The following MGST1 variants were observed in gnomAD, a reference collection of about 807,000 sequenced individuals.
MGST1 encodes glutathione S-transferase 12.
A neutral mutation model predicts 8.9 loss-of-function variants in MGST1; 5 were observed. The ratio of observed to expected loss-of-function variants is 0.56; its 90% CI spans 0.29 to 1.19. The LOEUF (loss-of-function observed/expected upper bound fraction) is 1.19, where lower values mean the gene tolerates loss of function less well. Among genes scored for constraint, MGST1 ranks in the 50% most tolerant of loss-of-function variants. The probability of loss-of-function intolerance (pLI) is 0.08; values close to 1 mark genes in which losing one functional copy is unlikely to be tolerated. For synonymous variants in MGST1, 54 were observed against 67.8 expected (o/e 0.80, Z 1.00); for missense variants, 182 against 187.4 (o/e 0.97, Z 0.17).
chr12:16,508,098 A>C (rs1941552453), intron 4 of MGST1, among the ~76,000 whole-genome samples: 1 of 152,144 alleles, frequency 6.6e-6, no homozygotes, highest in Non-Finnish European at 1.5e-5. Flanking sequence ...CTCAGTGCCC[A>C]CCAGATTATA....
chr12:16,431,740 G>A (rs1286646603), intron 1 of MGST1, among the ~76,000 whole-genome samples: 1 of 152,128 alleles, frequency 6.6e-6, no homozygotes, highest in African/African-American at 2.4e-5. Context: ...CACAGAGGCA[G>A]GAAGTGAATG....
At chr12:16,371,930 G>A (rs1244810794) in intron 3 of MGST1, among the ~76,000 whole-genome samples, 1 of 152,044 alleles carries the variant, frequency 6.6e-6, no homozygotes, top group East Asian at 1.9e-4. Flanking sequence ...ACATGCATTA[G>A]GGAAAGAACA....
intron 4 of MGST1, among the ~76,000 whole-genome samples, chr12:16,562,860 A>T (rs912580059): frequency 2.0e-5 from 3 of 152,242 alleles, no homozygotes; most frequent in Non-Finnish European, 2.9e-5. Flanking sequence ...CACTGCTACC[A>T]GTGTACTTTC....
intron 4 of MGST1, among the ~76,000 whole-genome samples, chr12:16,446,153 G>A (rs550613880): frequency 3.3e-5 from 5 of 151,792 alleles, no homozygotes; most frequent in Non-Finnish European, 5.9e-5. Flanking sequence ...TGACATTTTG[G>A]GTCTCCAAAT....
intron 4 of MGST1, among the ~76,000 whole-genome samples, chr12:16,578,025 T>C (rs1212177367): frequency 6.6e-6 from 1 of 152,232 alleles, no homozygotes. Context: ...TGGAATTAGA[T>C]GTACAATGGA....
At chr12:16,400,443 C>T in intron 1 of MGST1, 1 of 805,978 alleles carries the variant, frequency 1.2e-6, no homozygotes, top group Non-Finnish European at 2.2e-6. Flanking sequence ...ATAGATCTTT[C>T]AGTTTGGAAT....
intron 4 of MGST1, among the ~76,000 whole-genome samples, chr12:16,553,867 GAAA>G (rs75193044): frequency 7.5e-6 from 1 of 132,674 alleles, no homozygotes. Flanking sequence ...GCATTTGCAG[GAAA>G]AAAAAAAAAA....
intron 4 of MGST1, among the ~76,000 whole-genome samples, chr12:16,496,915 A>C (rs972106922): frequency 1.1e-4 from 17 of 152,150 alleles, no homozygotes; most frequent in African/African-American, 3.9e-4. Context: ...AAGTCCTATA[A>C]GACCTTTTAC....
At chr12:16,414,542 A>C (rs1591721131) in intron 1 of MGST1, among the ~76,000 whole-genome samples, 1 of 151,712 alleles carries the variant, frequency 6.6e-6, no homozygotes, top group African/African-American at 2.4e-5. Context: ...CAGCCTCCCA[A>C]GTAGCTGGGA....
In MGST1 at chr12:16,560,286, G is replaced by A; in HGVS notation, n.483-29242G>A. 9.4e-7 allele frequency: 1 copy of A among 1,064,998 alleles called. No individual in the cohort carries two copies. The highest frequency in any genetic ancestry group is 2.6e-5 in the Admixed American group (1 of 38,976). The allele number at this position is 1,064,998 out of a possible 1,614,324, so 66.0% of individuals were successfully genotyped here. A position where few individuals can be genotyped will look rare whatever the true frequency, so the allele number is the denominator to read the frequency against. The stretch of plus-strand genomic sequence containing the variant: ...AGCTTGTCTCTGGCATGGGATTAAA[G>A]TTTACAGAACAGAAAAACGCTGAGA... On this transcript the variant is annotated intron_variant and non_coding_transcript_variant, in intron 4 of 4. Coordinates refer to the MGST1 transcript ENST00000538857. This position sits in a 1 kb window ranked among gnomAD's most constrained non-coding sequence, Gnocchi z 5.0.
chr12:16,557,899 ATTCT>A (rs1303689378), intron 4 of MGST1, among the ~76,000 whole-genome samples: 1 of 152,188 alleles, frequency 6.6e-6, no homozygotes, highest in Admixed American at 6.5e-5. Context: ...TAAATGTCAC[ATTCT>A]TTCTACTATT....
intron 1 of MGST1, among the ~76,000 whole-genome samples, chr12:16,412,049 C>T (rs1263105484): frequency 6.6e-6 from 1 of 152,098 alleles, no homozygotes; most frequent in Admixed American, 6.6e-5. Context: ...AAATTAGTCA[C>T]TATTATTACT....
chr12:16,386,206 A>C (rs147145060), intron 1 of MGST1, among the ~76,000 whole-genome samples: 1 of 152,326 alleles, frequency 6.6e-6, no homozygotes, highest in East Asian at 1.9e-4. Flanking sequence ...CTTTTGGAGA[A>C]GATCGGTGAT....
At chr12:16,463,808 A>G (rs1449929263) in intron 4 of MGST1, among the ~76,000 whole-genome samples, 1 of 152,222 alleles carries the variant, frequency 6.6e-6, no homozygotes, top group African/African-American at 2.4e-5. Context: ...TTGTCTAAGT[A>G]CAGCTCATCT....
intron 4 of MGST1, among the ~76,000 whole-genome samples, chr12:16,523,239 G>A (rs1185902152): frequency 6.6e-6 from 1 of 152,012 alleles, no homozygotes; most frequent in African/African-American, 2.4e-5. Context: ...ATCACGAAAA[G>A]AGCCCTGGAC....
intron 1 of MGST1, among the ~76,000 whole-genome samples, chr12:16,412,253 A>G (rs1282960144): frequency 6.6e-6 from 1 of 152,152 alleles, no homozygotes; most frequent in Non-Finnish European, 1.5e-5. Context: ...TACATCTGTA[A>G]TGTAGAGGAT....
At chr12:16,409,148 T>C (rs1029439246) in intron 1 of MGST1, among the ~76,000 whole-genome samples, 1 of 152,218 alleles carries the variant, frequency 6.6e-6, no homozygotes, top group African/African-American at 2.4e-5. Context: ...TTCTGATTTT[T>C]GTTTATGATA....
rs1333190716 is a variant in MGST1 at position 16,394,526 on chromosome 12, CTTT to C, written n.778+10923_778+10925del. 1.7e-4 allele frequency among the ~76,000 whole-genome samples: 3 copies of C among 17,934 alleles called. 1 individual carries two copies. Among genetic ancestry groups the C allele is most frequent in the Non-Finnish European group, 3.6e-4 (2 of 5,602 alleles). 11.8% of individuals were successfully genotyped at this position (17,934 alleles called of 152,430 possible). A position where few individuals can be genotyped will look rare whatever the true frequency, so the allele number is the denominator to read the frequency against. ...TCTCTTTCTCTCCCTTTCTTTCTTT[CTTT>C]CTTTCTTTCTTTCTTTCTTTCTTTC... On this transcript the variant is annotated intron_variant and non_coding_transcript_variant, in intron 1 of 1. Coordinates refer to the MGST1 transcript ENST00000359720.
At chr12:16,388,487 C>T (rs776862588) in intron 1 of MGST1, among the ~76,000 whole-genome samples, 2 of 152,068 alleles carry the variant, frequency 1.3e-5, no homozygotes, top group Admixed American at 6.5e-5. Flanking sequence ...TGGCAGGGGC[C>T]AGTTGTTACC....
Sources: allele counts gnomAD v4.1 joint callset (sites outside exome capture counted in the v4.1 genomes callset), GRCh38; gene constraint gnomAD v4.1.1; non-coding constraint Gnocchi (gnomAD v3.1); transcripts MANE v1.5; gene names NCBI Gene and HGNC (gene_info 2026-07-23, HGNC 2026-07-21).